Variants in PC observed in about 807,000 individuals in gnomAD.
PC encodes the protein pyruvate carboxylase.
In PC, 46 loss-of-function variants were observed where a neutral mutation model predicts 107.8. The observed-to-expected ratio is 0.43, with a 90% CI of 0.34 to 0.55. The LOEUF is 0.55. PC is among the 20% of genes least tolerant of loss of function. The probability of loss-of-function intolerance (pLI) is 0.04; values close to 1 mark genes in which losing one functional copy is unlikely to be tolerated. For missense variants in PC, 1,241 were observed against 1,643.1 expected, an observed-to-expected ratio of 0.76 and a Z score of 4.23; for synonymous variants, 662 against 684.7, an observed-to-expected ratio of 0.97 and a Z score of 0.52.
At chr11:66,864,472 G>A (rs970537363) in intron 11 of PC, among the ~76,000 whole-genome samples, 7 of 152,270 alleles carry the variant, frequency 4.6e-5, no homozygotes, top group African/African-American at 9.6e-5. Flanking sequence ...AAGGCTGACC[G>A]GGGGTTTGTT....
intron 3 of PC, among the ~76,000 whole-genome samples, chr11:66,873,488 T>A (rs1437824347): frequency 1.0e-4 from 6 of 58,108 alleles, no homozygotes; most frequent in Non-Finnish European, 1.9e-4. Flanking sequence ...TATATAATAT[T>A]ATATATATTA....
At chr11:66,903,893 T>A (rs1408402746) in intron 3 of PC, among the ~76,000 whole-genome samples, 1 of 142,048 alleles carries the variant, frequency 7.0e-6, no homozygotes, top group African/African-American at 2.7e-5. Flanking sequence ...AACGGCACGA[T>A]CTCAGCTCAC....
intron 12 of PC, among the ~76,000 whole-genome samples, chr11:66,861,663 G>C (rs190349987): frequency 6.6e-6 from 1 of 152,108 alleles, no homozygotes; most frequent in Non-Finnish European, 1.5e-5. Flanking sequence ...GGGCACAGAC[G>C]GCAAAGGGAC....
At chr11:66,864,262 G>A (rs1416356458) in intron 11 of PC, among the ~76,000 whole-genome samples, 2 of 152,264 alleles carry the variant, frequency 1.3e-5, no homozygotes, top group African/African-American at 2.4e-5. Flanking sequence ...GCAGGGGCCA[G>A]CCCTGCCTCT....
At chr11:66,903,789 TATACACACACCC>T (rs1323785996) in intron 3 of PC, among the ~76,000 whole-genome samples, 1 of 124,116 alleles carries the variant, frequency 8.1e-6, no homozygotes, top group African/African-American at 3.0e-5. Flanking sequence ...TATATATATA[TATACACACACCC>T]ACACACACCC....
intron 9 of PC, among the ~76,000 whole-genome samples, chr11:66,869,451 A>T (rs1197359397): frequency 6.6e-6 from 1 of 151,588 alleles, no homozygotes; most frequent in Non-Finnish European, 1.5e-5. Context: ...ACAGATAATG[A>T]CTCTAACTCA....
chr11:66,904,903 C>A (rs554368992), intron 3 of PC, among the ~76,000 whole-genome samples: 1 of 152,196 alleles, frequency 6.6e-6, no homozygotes, highest in Non-Finnish European at 1.5e-5. Context: ...CCTGTTAGTC[C>A]GTCTACAAAA....
intron 10 of PC, among the ~76,000 whole-genome samples, chr11:66,867,918 G>A (rs1481334549): frequency 2.0e-5 from 3 of 152,256 alleles, no homozygotes; most frequent in Non-Finnish European, 4.4e-5. Context: ...GGTTGGGGCT[G>A]GGGGCAGAAC....
chr11:66,939,660 C>T (rs1949075641), intron 3 of PC, among the ~76,000 whole-genome samples: 1 of 151,874 alleles, frequency 6.6e-6, no homozygotes. Flanking sequence ...CAAAATTAGC[C>T]AGGTGTGGTG....
chr11:66,946,009 C>G (rs1477453921), intron 3 of PC, among the ~76,000 whole-genome samples: 1 of 150,200 alleles, frequency 6.7e-6, no homozygotes, highest in Admixed American at 6.6e-5. Context: ...TGGCGTGAAC[C>G]CGGGAAGCGA....
intron 9 of PC, among the ~76,000 whole-genome samples, chr11:66,869,169 G>T (rs781426578): frequency 6.6e-6 from 1 of 152,100 alleles, no homozygotes; most frequent in Non-Finnish European, 1.5e-5. Context: ...TAGTCCACTA[G>T]GCTCCAGGGT....
At position 66,848,967 on chromosome 11, in the gene PC, C is replaced by T; in HGVS notation, c.3469G>A (p.Val1157Ile). Residue 1157 changes from valine (V) to isoleucine (I), a missense_variant, in exon 23 of 23, where the codon GTC becomes ATC. Transcript: ENST00000393960. ...TCCTTGGTCACATGAACCTTGCGGA[C>T]AGTACCCTCCATGGGTGAGGTCACC... is the stretch of plus-strand genomic sequence containing the variant. Reference protein sequence around the residue: ...TVVTSPMEGTVRKVHVTKDMT... With the variant: ...TVVTSPMEGTIRKVHVTKDMT... 6.2e-7 allele frequency: 1 copy of T among 1,614,082 alleles called. No individual in the cohort carries two copies. Among genetic ancestry groups the T allele is most frequent in the South Asian group, 1.1e-5 (1 of 91,088 alleles).
intron 12 of PC, chr11:66,860,498 G>A: frequency 1.4e-6 from 1 of 702,708 alleles, no homozygotes; most frequent in Non-Finnish European, 2.6e-6. Flanking sequence ...GGTGTTGTCT[G>A]GCTAGGTCCC....
chr11:66,957,197 C>G (rs1383485572), intron 1 of PC, among the ~76,000 whole-genome samples: 1 of 152,180 alleles, frequency 6.6e-6, no homozygotes, highest in African/African-American at 2.4e-5. Context: ...AATAGGGAGG[C>G]AGATGGCAGG....
chr11:66,903,729 CAG>C (rs1270272477), intron 3 of PC, among the ~76,000 whole-genome samples: 2 of 100,560 alleles, frequency 2.0e-5, no homozygotes, highest in African/African-American at 8.4e-5. Context: ...GCCTGGGCAA[CAG>C]AGTGAGAGAC....
intron 12 of PC, among the ~76,000 whole-genome samples, chr11:66,853,669 T>C (rs1945641623): frequency 6.6e-6 from 1 of 152,174 alleles, no homozygotes; most frequent in Admixed American, 6.5e-5. Flanking sequence ...GGGCTCAGCC[T>C]TTTTCTCCAG....
At chr11:66,939,537 G>A (rs917794088) in intron 3 of PC, among the ~76,000 whole-genome samples, 6 of 151,990 alleles carry the variant, frequency 3.9e-5, no homozygotes, top group African/African-American at 1.4e-4. Context: ...GGACACAGTG[G>A]TTCACGCCTG....
Position 66,858,602 on chromosome 11 carries a change from C to T in PC, c.1368+5172G>A. ...GTGAGCCGCCCCTCATTGCCCGCCA[C>T]ACGCAGCGCCTCTGGGTGCTGGAAG... On this transcript the variant is annotated intron_variant, in intron 12 of 22. Transcript: ENST00000393960. This position sits in a 1 kb window ranked among gnomAD's most constrained non-coding sequence, Gnocchi z 5.9. The T allele has an allele frequency of 6.5e-7, 1 of 1,534,974 alleles. No individual in the cohort carries two copies. The highest frequency in any genetic ancestry group is 8.7e-7 in the Non-Finnish European group (1 of 1,144,208).
At chr11:66,889,952 T>C (rs895857301) in intron 3 of PC, among the ~76,000 whole-genome samples, 2 of 152,200 alleles carry the variant, frequency 1.3e-5, no homozygotes, top group Non-Finnish European at 2.9e-5. Flanking sequence ...AATCTCTCCA[T>C]GTTAATACAG....
Sources: gnomAD v4.1 joint callset for allele counts (sites outside exome capture counted in the v4.1 genomes callset) on GRCh38, gnomAD v4.1.1 for gene constraint, Gnocchi (gnomAD v3.1) non-coding constraint, MANE v1.5 for transcripts, NCBI Gene and HGNC (gene_info 2026-07-23, HGNC 2026-07-21) for gene names.